Variants in NAALADL2 observed in about 807,000 individuals in gnomAD.
NAALADL2 encodes the protein inactive N-acetylated-alpha-linked acidic dipeptidase-like protein 2.
Under a neutral mutation model 87.2 loss-of-function variants are expected in NAALADL2, and 76 were observed. The ratio of observed to expected loss-of-function variants is 0.87; its 90% confidence interval spans 0.72 to 1.05. NAALADL2 has a LOEUF of 1.05. Among genes scored for constraint, NAALADL2 ranks in the 50% least tolerant of loss-of-function variants. NAALADL2 has a pLI of 0.00. For missense variants in NAALADL2, 1,089 were observed against 945.8 expected, an observed-to-expected ratio of 1.15 and a Z score of -1.99; for synonymous variants, 354 against 331.0, an observed-to-expected ratio of 1.07 and a Z score of -0.75.
intron 9 of NAALADL2, among the ~76,000 whole-genome samples, chr3:175,575,577 GC>G (rs1444998100): frequency 1.3e-5 from 2 of 151,992 alleles, no homozygotes; most frequent in Non-Finnish European, 2.9e-5. Context: ...GAGCCACCAC[GC>G]CCGGCCTCTT....
At chr3:175,058,116 G>A (rs931159562) in intron 1 of NAALADL2, among the ~76,000 whole-genome samples, 2 of 152,140 alleles carry the variant, frequency 1.3e-5, no homozygotes, top group Non-Finnish European at 2.9e-5. Context: ...CTTCTATTAC[G>A]AGAAAAATGC....
chr3:175,319,813 G>A (rs867833562), intron 4 of NAALADL2, among the ~76,000 whole-genome samples: 2 of 152,104 alleles, frequency 1.3e-5, no homozygotes, highest in Non-Finnish European at 2.9e-5. Flanking sequence ...GAGCGAGACT[G>A]TGTTTCAAAA....
At chr3:175,379,717 C>CT (rs1388959868) in intron 5 of NAALADL2, among the ~76,000 whole-genome samples, 1 of 151,876 alleles carries the variant, frequency 6.6e-6, no homozygotes, top group African/African-American at 2.4e-5. Flanking sequence ...CAGTCCACAT[C>CT]TTAATTCCCT....
intron 2 of NAALADL2, among the ~76,000 whole-genome samples, chr3:175,225,471 C>A (rs746725149): frequency 1.3e-5 from 2 of 151,904 alleles, no homozygotes; most frequent in South Asian, 4.1e-4. Context: ...TCTTTTAAAA[C>A]GCTTAATTTT....
intron 1 of NAALADL2, among the ~76,000 whole-genome samples, chr3:175,061,728 A>AAT (rs149495848): frequency 0.12 from 16,511 of 141,360 alleles, 984 homozygotes; most frequent in Non-Finnish European, 0.14. Flanking sequence ...CACTTGCACA[A>AAT]ATATATATAT....
rs140690176 is a variant in NAALADL2, at chr3:174,474,998, T to G, written c.-184+33966T>G. 3.6e-3 allele frequency among the ~76,000 whole-genome samples: 548 copies of G among 152,110 alleles called. 5 individuals are homozygous for G. The highest frequency in any genetic ancestry group is 0.013 in the African/African-American group (529 of 41,544). On this transcript the variant is annotated intron_variant, in intron 1 of 3. Transcript: ENST00000434257. ...TATATATAATAATATAAAGCTATTT[T>G]CAAGGAGACAACTCAGATTTGTGAG...
At chr3:174,453,429 ATACTT>A (rs1715618695) in intron 1 of NAALADL2, among the ~76,000 whole-genome samples, 2 of 152,192 alleles carry the variant, frequency 1.3e-5, no homozygotes, top group African/African-American at 4.8e-5. Context: ...ACCCAGTAAA[ATACTT>A]CACAAGAAGA....
At chr3:175,777,451 A>G (rs1750399430) in intron 13 of NAALADL2, among the ~76,000 whole-genome samples, 1 of 152,142 alleles carries the variant, frequency 6.6e-6, no homozygotes, top group African/African-American at 2.4e-5. Flanking sequence ...AATATGGGGA[A>G]GCCTATACTA....
intron 2 of NAALADL2, among the ~76,000 whole-genome samples, chr3:175,116,796 G>A (rs1038207591): frequency 7.9e-5 from 12 of 151,702 alleles, no homozygotes; most frequent in African/African-American, 1.9e-4. Flanking sequence ...AAGAGCCTGC[G>A]TTGCCAAGAC....
At chr3:175,608,996 ATTTT>A (rs55666834) in intron 10 of NAALADL2, among the ~76,000 whole-genome samples, 2 of 149,126 alleles carry the variant, frequency 1.3e-5, no homozygotes, top group Non-Finnish European at 1.5e-5. Context: ...GCCCAGTGTG[ATTTT>A]TTTTTTTTTT....
At chr3:175,347,077 C>A (rs1362770273) in intron 5 of NAALADL2, among the ~76,000 whole-genome samples, 1 of 152,130 alleles carries the variant, frequency 6.6e-6, no homozygotes, top group Non-Finnish European at 1.5e-5. Context: ...GACTCTCAAG[C>A]CTGTGCTGCT....
Position 175,232,017 on chromosome 3 carries a change from A to G in NAALADL2, c.546-1914A>G, listed in dbSNP as rs1745008886. 2.0e-5 allele frequency among the ~76,000 whole-genome samples: 3 copies of G among 152,096 alleles called. No homozygotes were observed. In the South Asian group the frequency reaches 6.2e-4, roughly 32 times the overall value. ...GGAAGGCAGAGCCCTCTTACTGGTA[A>G]TGAAAAAGAATATAATTCTTCTCAC... On this transcript the variant is annotated intron_variant, in intron 2 of 13. Transcript: ENST00000454872.
chr3:174,451,841 GA>G (rs1715500430), intron 1 of NAALADL2, among the ~76,000 whole-genome samples: 2 of 136,620 alleles, frequency 1.5e-5, no homozygotes, highest in African/African-American at 2.7e-5. Context: ...AGGATAGTGG[GA>G]GTTTTTTTTT....
chr3:174,583,672 C>T (rs529198053), intron 2 of NAALADL2, among the ~76,000 whole-genome samples: 2 of 152,054 alleles, frequency 1.3e-5, no homozygotes, highest in East Asian at 1.9e-4. Context: ...AATGCTATTA[C>T]GTTGTTTCTT....
intron 3 of NAALADL2, among the ~76,000 whole-genome samples, chr3:174,831,718 G>A (rs970846313): frequency 4.6e-5 from 7 of 151,154 alleles, no homozygotes; most frequent in African/African-American, 1.7e-4. Flanking sequence ...GTAGAATTCG[G>A]CTGTGAATCC....
At chr3:174,736,424 C>A (rs1213026174) in intron 2 of NAALADL2, among the ~76,000 whole-genome samples, 1 of 152,048 alleles carries the variant, frequency 6.6e-6, no homozygotes, top group Non-Finnish European at 1.5e-5. Context: ...CATTGGGTAG[C>A]TCCTCTCCAC....
At chr3:174,631,612 G>A (rs1578374081) in intron 2 of NAALADL2, among the ~76,000 whole-genome samples, 1 of 152,144 alleles carries the variant, frequency 6.6e-6, no homozygotes, top group East Asian at 1.9e-4. Flanking sequence ...AAATGGACAA[G>A]ACAAGAAATA....
At chr3:174,932,609 AT>A (rs1208252632) in intron 1 of NAALADL2, among the ~76,000 whole-genome samples, 1 of 151,964 alleles carries the variant, frequency 6.6e-6, no homozygotes, top group Non-Finnish European at 1.5e-5. Flanking sequence ...CTTCTTATTA[AT>A]AAGCCCTGCT....
At chr3:175,069,920 C>A (rs1234860028) in intron 1 of NAALADL2, among the ~76,000 whole-genome samples, 1 of 148,540 alleles carries the variant, frequency 6.7e-6, no homozygotes, top group Non-Finnish European at 1.5e-5. Context: ...GAACAAAAAA[C>A]CAAACACCGC....
Sources: allele counts gnomAD v4.1 joint callset (sites outside exome capture counted in the v4.1 genomes callset), GRCh38; gene constraint gnomAD v4.1.1; transcripts MANE v1.5; gene names NCBI Gene and HGNC (gene_info 2026-07-23, HGNC 2026-07-21).